PRR11: variants seen among roughly 807,000 people sequenced by gnomAD.
PRR11 encodes proline-rich protein 11.
PRR11 carries 30 observed loss-of-function variants against 45.6 expected under a neutral mutation model. The ratio of observed to expected loss-of-function variants is 0.66; its 90% CI spans 0.49 to 0.89. The LOEUF (loss-of-function observed/expected upper bound fraction) is 0.89. PRR11 is among the 40% of genes least tolerant of loss of function. The probability of loss-of-function intolerance (pLI) is 0.00; values close to 1 mark genes in which losing one functional copy is unlikely to be tolerated. For missense variants in PRR11, 373 were observed against 424.8 expected (o/e 0.88, Z 1.07); for synonymous variants, 128 against 153.5 (o/e 0.83, Z 1.23).
rs768677377 is a variant in PRR11, at chr17:59,197,770, C to T, written c.995C>T (p.Ala332Val). ...GTGLTPVMTQALRRKFQLAHP... is the reference protein window; with the variant it reads ...GTGLTPVMTQVLRRKFQLAHP... ...GGACTGACTCCAGTGATGACGCAGG[C>T]CTTAAGGAGAAAGTTTCAGGTAACC... Residue 332 changes from alanine to valine, a missense_variant, in exon 9 of 10, where the codon GCC (alanine) becomes GTC (valine). By Grantham distance (64) the Ala-to-Val change is moderately conservative (BLOSUM62 0). Transcript: ENST00000262293. The T allele has an allele frequency of 5.6e-6, 9 of 1,613,470 alleles. No homozygotes were observed. The highest frequency in any genetic ancestry group is 6.8e-6 in the Non-Finnish European group (8 of 1,179,732).
Position 59,185,031 on chromosome 17 carries a change from G to T in PRR11, c.129-23G>T, listed in dbSNP as rs760242220. The T allele has an allele frequency of 9.3e-6, 15 of 1,606,384 alleles. No individual in the cohort carries two copies. In the South Asian group the frequency reaches 1.7e-4, roughly 18 times the overall value. ...ATTCTGACTTAGGGGTTTTTTATTTGTTTCATTTTGTTTTTCCTACAGAGT... is the reference window on the plus strand; with the variant it reads ...ATTCTGACTTAGGGGTTTTTTATTTTTTTCATTTTGTTTTTCCTACAGAGT... On this transcript the variant is annotated intron_variant, in intron 2 of 9. Coordinates refer to ENST00000262293, the MANE Select transcript of PRR11 (RefSeq NM_018304.4).
intron 2 of PRR11, among the ~76,000 whole-genome samples, chr17:59,183,305 C>A (rs1325289965): frequency 2.0e-5 from 3 of 152,150 alleles, no homozygotes; most frequent in African/African-American, 7.2e-5. Flanking sequence ...GTCTCCTCTT[C>A]TCTGTACATG....
At position 59,180,519 on chromosome 17, in the gene PRR11, G is replaced by GTTTTGTTTTT. The variant is rs1555716469; in HGVS notation, c.129-4531_129-4530insGTTTTTTTTT. Among the ~76,000 whole-genome samples the GTTTTGTTTTT allele has an allele frequency of 2.4e-5, 3 of 122,928 alleles. 1 individual carries two copies. Among genetic ancestry groups the GTTTTGTTTTT allele is most frequent in the African/African-American group, 1.1e-4 (3 of 27,888 alleles). 80.6% of individuals were successfully genotyped at this position (122,928 alleles called of 152,430 possible). On this transcript the variant is annotated intron_variant, in intron 2 of 9. Coordinates refer to ENST00000262293, the MANE Select transcript of PRR11 (RefSeq NM_018304.4). ...TTGTTTTTTTTTTTTTGTTTTTTTT[G>GTTTTGTTTTT]TTTTTTTTGCCACAGGGTCTCAGTC...
In PRR11 at chr17:59,201,512, T is replaced by C. The variant is rs531591633; in HGVS notation, c.1015-51T>C. The C allele has an allele frequency of 6.8e-5, 106 of 1,565,074 alleles. 1 individual carries two copies. The South Asian group carries it at 1.1e-3, about 16-fold the overall frequency. On this transcript the variant is annotated intron_variant, in intron 9 of 9. Transcript: ENST00000262293. ...TTCTGTTGAGAAAGGAGAGTTGTAC[T>C]TATCACAGGAATATAATTGATATTA... is the stretch of plus-strand genomic sequence containing the variant.
intron 1 of PRR11, among the ~76,000 whole-genome samples, chr17:59,157,566 G>A (rs1254876944): frequency 2.6e-5 from 4 of 152,076 alleles, no homozygotes; most frequent in Admixed American, 2.0e-4. Flanking sequence ...TCCGGGTGTG[G>A]TGGCACGCCC....
intron 1 of PRR11, among the ~76,000 whole-genome samples, chr17:59,156,437 A>T (rs774337874): frequency 1.1e-4 from 16 of 152,074 alleles, no homozygotes; most frequent in South Asian, 2.1e-4. Context: ...CATAAAATTT[A>T]AAAAAAGCAA....
At chr17:59,164,879 A>C (rs1420049219) in intron 1 of PRR11, among the ~76,000 whole-genome samples, 2 of 143,264 alleles carry the variant, frequency 1.4e-5, no homozygotes, top group African/African-American at 5.1e-5. Flanking sequence ...ACCGTGTCTC[A>C]AAAAAAAAAA....
intron 2 of PRR11, among the ~76,000 whole-genome samples, chr17:59,172,432 G>A (rs1447713710): frequency 1.3e-5 from 2 of 152,244 alleles, no homozygotes; most frequent in Non-Finnish European, 1.5e-5. Context: ...CAGCCTTGAG[G>A]AGCCCTTCAG....
At chr17:59,170,977 C>T (rs549012074) in intron 2 of PRR11, among the ~76,000 whole-genome samples, 14 of 152,242 alleles carry the variant, frequency 9.2e-5, no homozygotes, top group East Asian at 1.9e-4. Flanking sequence ...AAGTAACACA[C>T]GGCCAGGCGC....
intron 1 of PRR11, among the ~76,000 whole-genome samples, chr17:59,162,659 A>AT (rs965822111): frequency 1.0e-4 from 15 of 145,340 alleles, no homozygotes; most frequent in African/African-American, 3.1e-4. Flanking sequence ...TTATTTCATG[A>AT]TTTTTTTTTC....
rs1055244868 is a variant in PRR11, at chr17:59,175,137, G to A, written c.128+5257G>A. On this transcript the variant is annotated intron_variant, in intron 2 of 9. Coordinates refer to ENST00000262293, the MANE Select transcript of PRR11 (RefSeq NM_018304.4). Reference sequence around the variant, plus strand: ...GTCATTGGCCAGGTAGCTGGGGACAGAAATCAGGTTGCCGCTCAGGGACAC... The same window carrying A: ...GTCATTGGCCAGGTAGCTGGGGACAAAAATCAGGTTGCCGCTCAGGGACAC... The A allele has an allele frequency of 1.1e-5, 6 of 555,040 alleles. No homozygotes were observed. In the African/African-American group the frequency reaches 1.2e-4, roughly 11 times the overall value. The allele number at this position is 555,040 out of a possible 1,614,324, so 34.4% of individuals were successfully genotyped here.
intron 2 of PRR11, among the ~76,000 whole-genome samples, chr17:59,174,468 C>T (rs956823037): frequency 6.6e-6 from 1 of 152,168 alleles, no homozygotes; most frequent in Non-Finnish European, 1.5e-5. Context: ...TGAACCTCCC[C>T]GAACTCAGTA....
At chr17:59,172,103 G>A (rs2046712128) in intron 2 of PRR11, among the ~76,000 whole-genome samples, 2 of 152,204 alleles carry the variant, frequency 1.3e-5, no homozygotes, top group Admixed American at 1.3e-4. Flanking sequence ...TGCATAGTGT[G>A]TATGAAGCTA....
chr17:59,185,964 G>A (rs2046811938), intron 4 of PRR11, among the ~76,000 whole-genome samples: 1 of 152,162 alleles, frequency 6.6e-6, no homozygotes, highest in Non-Finnish European at 1.5e-5. Context: ...TCACTTATGA[G>A]ACAAAGAATG....
At chr17:59,156,844 G>T (rs940720384) in intron 1 of PRR11, among the ~76,000 whole-genome samples, 10 of 151,918 alleles carry the variant, frequency 6.6e-5, no homozygotes, top group African/African-American at 2.4e-4. Context: ...GGCCAGGATG[G>T]TCTCGATTTC....
intron 4 of PRR11, among the ~76,000 whole-genome samples, chr17:59,186,381 A>ATTTTTTTTTTTTTTTTT (rs59082405): frequency 1.2e-5 from 1 of 84,610 alleles, no homozygotes; most frequent in African/African-American, 4.3e-5. Context: ...GCTGTTTGTA[A>ATTTTTTTTTTTTTTTTT]TTTTTTTTTT....
chr17:59,205,563 A>T lies in PRR11; in HGVS notation c.*3932A>T, dbSNP rs28695845. Among the ~76,000 whole-genome samples the T allele has an allele frequency of 2.0e-5, 3 of 149,934 alleles. No individual in the cohort carries two copies. The highest frequency in any genetic ancestry group is 7.4e-5 in the African/African-American group (3 of 40,738). On this transcript the variant is annotated 3_prime_UTR_variant, in exon 10 of 10. Transcript: ENST00000262293. ...CTAAAAATACAAAAATTAGCCGGGC[A>T]TAGTGGCAGACACCTGTAATCCCAG...
chr17:59,166,456 A>G (rs2147835155), intron 1 of PRR11, among the ~76,000 whole-genome samples: 1 of 151,676 alleles, frequency 6.6e-6, no homozygotes, highest in East Asian at 1.9e-4. Context: ...AATATACTAG[A>G]TAATGTTTTT....
chr17:59,168,126 T>A (rs183841101), intron 1 of PRR11, among the ~76,000 whole-genome samples: 9 of 152,022 alleles, frequency 5.9e-5, no homozygotes, highest in Non-Finnish European at 1.0e-4. Context: ...TAGTATCCTC[T>A]GTTCTACTAG....
Sources: gnomAD v4.1 joint callset for allele counts (sites outside exome capture counted in the v4.1 genomes callset) on GRCh38, gnomAD v4.1.1 for gene constraint, MANE v1.5 for transcripts, NCBI Gene and HGNC (gene_info 2026-07-23, HGNC 2026-07-21) for gene names.